The following ADAMTS9 variants were observed in gnomAD, a reference collection of about 807,000 sequenced individuals.
ADAMTS9 encodes A disintegrin and metalloproteinase with thrombospondin motifs 9.
A neutral mutation model predicts 257.1 loss-of-function variants in ADAMTS9; 107 were observed. That is an observed-to-expected ratio of 0.42 (90% confidence interval 0.36 to 0.49). The LOEUF (loss-of-function observed/expected upper bound fraction) is 0.49, where lower values mean the gene tolerates loss of function less well. ADAMTS9 is among the 20% of genes least tolerant of loss of function. The pLI is 0.03. For synonymous variants in ADAMTS9, 982 were observed against 880.9 expected (o/e 1.11, Z -2.03); for missense variants, 2,353 against 2,469.1 (o/e 0.95, Z 1.00).
chr3:64,608,653 T>A (rs1217569511), intron 22 of ADAMTS9, among the ~76,000 whole-genome samples: 3 of 152,078 alleles, frequency 2.0e-5, no homozygotes, highest in Non-Finnish European at 4.4e-5. Context: ...AATCAAAGTC[T>A]TCCTCAAAAA....
intron 12 of ADAMTS9, among the ~76,000 whole-genome samples, chr3:64,635,869 T>C (rs1180458087): frequency 2.6e-5 from 4 of 152,022 alleles, no homozygotes; most frequent in African/African-American, 4.8e-5. Flanking sequence ...ATATCACAGA[T>C]GACCCATGAA....
At position 64,649,783 on chromosome 3, in the gene ADAMTS9, GGAAACACACA is replaced by G. The variant is rs751685390; in HGVS notation, c.1464-15_1464-6del. The G allele has an allele frequency of 4.9e-5, 79 of 1,611,424 alleles. No individual in the cohort carries two copies. Among genetic ancestry groups the G allele is most frequent in the Non-Finnish European group, 5.1e-5 (60 of 1,178,908 alleles). ...AAACACTCGCCATAACCAGTGCTAC[GGAAACACACA>G]GAAACACACAGATGGTGAGAACGGT... is the stretch of plus-strand genomic sequence containing the variant. On this transcript the variant is annotated splice_region_variant and splice_polypyrimidine_tract_variant and intron_variant, in intron 9 of 39. Transcript: ENST00000498707.
chr3:64,567,690 G>A (rs1309386263), intron 29 of ADAMTS9, among the ~76,000 whole-genome samples: 10 of 151,966 alleles, frequency 6.6e-5, no homozygotes, highest in Admixed American at 5.9e-4. Context: ...CAGTGTCTTG[G>A]GTACTCACAC....
intron 28 of ADAMTS9, among the ~76,000 whole-genome samples, chr3:64,584,362 G>A (rs922038545): frequency 2.0e-5 from 3 of 152,212 alleles, no homozygotes; most frequent in Admixed American, 1.3e-4. Context: ...GCATGGGTGG[G>A]ATGGGGAGGA....
chr3:64,626,589 C>T (rs1462526821), intron 16 of ADAMTS9, among the ~76,000 whole-genome samples: 2 of 152,134 alleles, frequency 1.3e-5, no homozygotes, highest in African/African-American at 2.4e-5. Flanking sequence ...CTATTGGGTA[C>T]AATGCTCATT....
chr3:64,562,098 A>T (rs894231147), intron 29 of ADAMTS9, among the ~76,000 whole-genome samples: 4 of 152,196 alleles, frequency 2.6e-5, no homozygotes, highest in South Asian at 2.1e-4. Context: ...ACTTGAAATG[A>T]TTTCTATCCT....
Position 64,674,100 on chromosome 3 carries a change from TTA to T in ADAMTS9, c.679+7099_679+7100del, listed in dbSNP as rs1054963101. Reference sequence around the variant, plus strand: ...GCACTATTAACACTAAAGTTTTTTTTTAAAAAAAAAGGAAAGCAGAATTTTTA... The same window carrying T: ...GCACTATTAACACTAAAGTTTTTTTTAAAAAAAAGGAAAGCAGAATTTTTA... On this transcript the variant is annotated intron_variant, in intron 3 of 39. Coordinates refer to ENST00000498707, the MANE Select transcript of ADAMTS9 (RefSeq NM_182920.2). 5.3e-5 allele frequency among the ~76,000 whole-genome samples: 8 copies of T among 151,846 alleles called. No individual in the cohort carries two copies. The East Asian group carries it at 9.7e-4, about 18-fold the overall frequency.
At chr3:64,582,083 C>G (rs1473271773) in intron 28 of ADAMTS9, among the ~76,000 whole-genome samples, 2 of 152,142 alleles carry the variant, frequency 1.3e-5, no homozygotes, top group African/African-American at 4.8e-5. Flanking sequence ...TTCTGACCCT[C>G]TGATCTCAGA....
Position 64,551,046 on chromosome 3 carries a change from C to T in ADAMTS9, c.4715G>A (p.Gly1572Asp). ...EEWQECTKTCGEGSRYRKVVC... is the reference protein window; with the variant it reads ...EEWQECTKTCDEGSRYRKVVC... Reference sequence around the variant, plus strand: ...CACCTTGCGGTACCTGGAGCCTTCGCCGCAGGTCTTGGTGCACTGTTAAAT... The same window carrying T: ...CACCTTGCGGTACCTGGAGCCTTCGTCGCAGGTCTTGGTGCACTGTTAAAT... Residue 1572 changes from glycine (G) to aspartate (D), a missense_variant, in exon 31 of 40, where the codon GGC (glycine) becomes GAC (aspartate). By Grantham distance (94) the Gly-to-Asp change is moderately conservative. Around this residue, in one of 3 missense-constraint regions of ADAMTS9, gnomAD observed 1,402 missense variants for 1,441.4 expected, o/e 0.97. Coordinates refer to ENST00000498707, the MANE Select transcript of ADAMTS9 (RefSeq NM_182920.2). The T allele has an allele frequency of 1.2e-6, 2 of 1,614,148 alleles. No homozygotes were observed. The highest frequency in any genetic ancestry group is 2.2e-5 in the East Asian group (1 of 44,870).
intron 3 of ADAMTS9, among the ~76,000 whole-genome samples, chr3:64,662,014 G>A (rs1039605132): frequency 1.3e-5 from 2 of 151,708 alleles, no homozygotes; most frequent in Admixed American, 6.6e-5. Context: ...AGAAGGTTAG[G>A]TTATTGCTTT....
chr3:64,612,625 C>G (rs909177849), intron 22 of ADAMTS9, among the ~76,000 whole-genome samples: 2 of 152,118 alleles, frequency 1.3e-5, no homozygotes, highest in Admixed American at 1.3e-4. Flanking sequence ...CAAGAGATTA[C>G]GCAAGTGACA....
At chr3:64,639,312 T>TTTTTTA (rs1700580900) in intron 12 of ADAMTS9, among the ~76,000 whole-genome samples, 1 of 89,252 alleles carries the variant, frequency 1.1e-5, no homozygotes, top group Non-Finnish European at 2.0e-5. Flanking sequence ...TTTTTTTTTT[T>TTTTTTA]AAAAAAAAAA....
At chr3:64,653,282 G>A (rs1248303882) in intron 8 of ADAMTS9, among the ~76,000 whole-genome samples, 2 of 152,196 alleles carry the variant, frequency 1.3e-5, no homozygotes, top group African/African-American at 2.4e-5. Flanking sequence ...CAGAAACCAC[G>A]AGGATAGAGA....
At chr3:64,647,304 A>C (rs1700821839) in intron 11 of ADAMTS9, among the ~76,000 whole-genome samples, 1 of 152,162 alleles carries the variant, frequency 6.6e-6, no homozygotes, top group South Asian at 2.1e-4. Context: ...GATGCACACT[A>C]GGTACAGAAG....
At chr3:64,611,135 C>T (rs144202960) in intron 22 of ADAMTS9, among the ~76,000 whole-genome samples, 49 of 149,520 alleles carry the variant, frequency 3.3e-4, no homozygotes, top group African/African-American at 1.2e-3. Context: ...TTCAGCAACT[C>T]CAATCCTAGA....
chr3:64,594,473 G>C, intron 27 of ADAMTS9, 39 bp from the exon 28 acceptor site: 1 of 1,596,556 alleles, frequency 6.3e-7, no homozygotes. Context: ...TATTTTGTCT[G>C]AAAGGCCAAT....
intron 30 of ADAMTS9, among the ~76,000 whole-genome samples, chr3:64,560,478 T>C (rs973635545): frequency 6.6e-6 from 1 of 152,122 alleles, no homozygotes; most frequent in South Asian, 2.1e-4. Context: ...AAGAATGCAG[T>C]TCTAGTATTT....
At chr3:64,570,261 G>A (rs577054485) in intron 28 of ADAMTS9, among the ~76,000 whole-genome samples, 1 of 152,286 alleles carries the variant, frequency 6.6e-6, no homozygotes, top group East Asian at 1.9e-4. Flanking sequence ...ACAGACCAGT[G>A]AGGGAAGCTG....
rs150672224 is a variant in ADAMTS9 at position 64,545,078 on chromosome 3, G to C, written c.5064+1680C>G. Among the ~76,000 whole-genome samples, 763 of 152,310 alleles carry C rather than the reference G, an allele frequency of 5.0e-3. 9 individuals carry two copies. The highest frequency in any genetic ancestry group is 0.018 in the African/African-American group (732 of 41,568). ...ATGAGATACCATCTCACACCAGTTA[G>C]AATGGCGATTATTAAAAAGTCAGGG... On this transcript the variant is annotated intron_variant, in intron 32 of 39. Transcript: ENST00000498707.
Sources: allele counts gnomAD v4.1 joint callset (sites outside exome capture counted in the v4.1 genomes callset), GRCh38; gene constraint gnomAD v4.1.1; regional missense constraint gnomAD v4.1.1; transcripts MANE v1.5; gene names NCBI Gene and HGNC (gene_info 2026-07-23, HGNC 2026-07-21).